OR5B21: variants seen among roughly 807,000 people sequenced by gnomAD.
OR5B21 encodes olfactory receptor family 5 subfamily B member 21, also known as olfactory receptor 5B21.
For synonymous variants in OR5B21, 151 were observed against 143.3 expected (o/e 1.05, Z -0.38); for missense variants, 372 against 375.7 (o/e 0.99, Z 0.08).
In OR5B21 at chr11:58,507,989, C is replaced by T; in HGVS notation, c.117G>A (p.Gly39=). 6.2e-7 allele frequency: 1 copy of T among 1,614,062 alleles called. No homozygotes were observed. The highest frequency in any genetic ancestry group is 8.5e-7 in the Non-Finnish European group (1 of 1,179,994). ...GGATGATCACCATCATTCCCCCATT[C>T]CCAAGCAGGGTGATGAGGTAGATGA... ...FLFIYLITLL[G]NGGMMVIIHS... The change falls in exon 1 of 1, where the codon GGG becomes GGA. Residue 39 remains glycine, a synonymous_variant. Transcript: ENST00000360374.
chr11:58,507,650 G>A lies in OR5B21; in HGVS notation c.456C>T (p.Leu152=), dbSNP rs751128552. The change falls in exon 1 of 1, where the codon CTC becomes CTT. Residue 152 remains leucine, a synonymous_variant. Transcript: ENST00000360374. The stretch of plus-strand genomic sequence containing the variant: ...TGCCTGCTGCATGGATAGAGGCATT[G>A]AGGAAGCCAGAGACATAGGAACCAG... ...LATGSYVSGF[L]NASIHAAGTF... The A allele has an allele frequency of 4.3e-6, 7 of 1,614,174 alleles. No individual in the cohort carries two copies. The South Asian group carries it at 4.4e-5, about 10-fold the overall frequency.
rs535731482 is a variant in OR5B21 at position 58,507,234 on chromosome 11, T to C, written c.872A>G (p.Asn291Ser). The C allele has an allele frequency of 2.8e-5, 45 of 1,613,670 alleles. No homozygotes were observed. The South Asian group carries it at 4.8e-4, about 17-fold the overall frequency. Residue 291 changes from asparagine to serine, a missense_variant, in exon 1 of 1, where the codon AAC becomes AGC. By Grantham distance (46) the Asn-to-Ser change is conservative. Transcript: ENST00000360374. ...MLNPLIYSLRNKEVKSALWKI... is the reference protein window; with the variant it reads ...MLNPLIYSLRSKEVKSALWKI... ...CCAGAGAGCACTTTTCACTTCTTTG[T>C]TCCTAAGGCTGTATATCAAGGGATT...
In OR5B21 at chr11:58,507,958, C is replaced by T; in HGVS notation, c.148G>A (p.Asp50Asn). The T allele has an allele frequency of 6.2e-7, 1 of 1,614,036 alleles. No individual in the cohort carries two copies. The highest frequency in any genetic ancestry group is 8.5e-7 in the Non-Finnish European group (1 of 1,179,984). Residue 50 changes from aspartate to asparagine, a missense_variant, in exon 1 of 1, where the codon GAC becomes AAC. Physicochemically the swap from Asp to Asn is conservative, Grantham distance 23. Transcript: ENST00000360374. ...TACATTGGAGTGTGGAGATGGGAGT[C>T]TGAGTGGATGATCACCATCATTCCC... Reference protein sequence around the residue: ...NGGMMVIIHSDSHLHTPMYFF... With the variant: ...NGGMMVIIHSNSHLHTPMYFF...
Position 58,508,004 on chromosome 11 carries a change from G to A in OR5B21, c.102C>T (p.Leu34=), listed in dbSNP as rs746463933. The A allele has an allele frequency of 3.1e-6, 5 of 1,613,968 alleles. No individual in the cohort carries two copies. The African/African-American group carries it at 6.7e-5, about 22-fold the overall frequency. ...PLLLAFLFIY[L]ITLLGNGGMM... is the part of the protein sequence containing the mutation. ...TTCCCCCATTCCCAAGCAGGGTGATGAGGTAGATGAATAAAAATGCCAGGA... is the reference window on the plus strand; with the variant it reads ...TTCCCCCATTCCCAAGCAGGGTGATAAGGTAGATGAATAAAAATGCCAGGA... The change falls in exon 1 of 1, where the codon CTC becomes CTT. Residue 34 remains leucine, a synonymous_variant. Transcript: ENST00000360374.
Position 58,507,445 on chromosome 11 carries a change from T to C in OR5B21, c.661A>G (p.Thr221Ala), listed in dbSNP as rs745421742. The change falls in exon 1 of 1, where the codon ACC becomes GCC. Residue 221 changes from threonine to alanine, a missense_variant. By Grantham distance (58) the Thr-to-Ala change is moderately conservative. Transcript: ENST00000360374. ...TCAGCAGAATGCATCCTCTGAATGG[T>C]GATGCATATGAAGAAGTAAGAAATA... is the stretch of plus-strand genomic sequence containing the variant. ...ILISYFFICITIQRMHSAEGQ... is the reference protein window; with the variant it reads ...ILISYFFICIAIQRMHSAEGQ... 1 of 1,613,848 alleles carries C rather than the reference T, an allele frequency of 6.2e-7. No homozygotes were observed. The highest frequency in any genetic ancestry group is 8.5e-7 in the Non-Finnish European group (1 of 1,179,856).
rs777767732 is a variant in OR5B21 at position 58,507,870 on chromosome 11, G to A, written c.236C>T (p.Thr79Met). Reference protein sequence around the residue: ...LGYSSAVAPKTVAALRSGDKA... With the variant: ...LGYSSAVAPKMVAALRSGDKA... ...GTCCCCTGACCGCAATGCAGCCACC[G>A]TTTTGGGGGCTACAGCTGATGAGTA... The change falls in exon 1 of 1, where the codon ACG becomes ATG. Residue 79 changes from threonine to methionine, a missense_variant. Thr to Met is a moderately conservative substitution (Grantham distance 81). Transcript: ENST00000360374. The A allele has an allele frequency of 4.0e-5, 64 of 1,614,040 alleles. No individual in the cohort carries two copies. Among genetic ancestry groups the A allele is most frequent in the African/African-American group, 5.3e-5 (4 of 74,938 alleles).
chr11:58,507,467 A>T lies in OR5B21; in HGVS notation c.639T>A (p.Ile213=). 6.2e-7 allele frequency: 1 copy of T among 1,614,124 alleles called. No homozygotes were observed. Among genetic ancestry groups the T allele is most frequent in the East Asian group, 2.2e-5 (1 of 44,868 alleles). ...NVFFTLLVIL[I]SYFFICITIQ... is the part of the protein sequence containing the mutation. The stretch of plus-strand genomic sequence containing the variant: ...TGGTGATGCATATGAAGAAGTAAGA[A>T]ATAAGGATGACCAGGAGGGTGAAAA... Residue 213 remains isoleucine, a synonymous_variant, in exon 1 of 1, where the codon ATT becomes ATA. Transcript: ENST00000360374.
Position 58,507,663 on chromosome 11 carries a change from A to T in OR5B21, c.443T>A (p.Val148Asp). 2 of 1,614,180 alleles carry T rather than the reference A, an allele frequency of 1.2e-6. No individual in the cohort carries two copies. Among genetic ancestry groups the T allele is most frequent in the Non-Finnish European group, 1.7e-6 (2 of 1,180,026 alleles). ...VCALLATGSY[V>D]SGFLNASIHA... ...GATAGAGGCATTGAGGAAGCCAGAG[A>T]CATAGGAACCAGTAGCAAGGAGGGC... Residue 148 changes from valine (V) to aspartate (D), a missense_variant, in exon 1 of 1, where the codon GTC (valine) becomes GAC (aspartate). By Grantham distance (152) the Val-to-Asp change is radical (BLOSUM62 -3). Coordinates refer to ENST00000360374, the MANE Select transcript of OR5B21 (RefSeq NM_001005218.3).
In OR5B21 at chr11:58,507,249, A is replaced by G. The variant is rs1348239666; in HGVS notation, c.857T>C (p.Ile286Thr). 1.9e-6 allele frequency: 3 copies of G among 1,614,006 alleles called. No homozygotes were observed. The highest frequency in any genetic ancestry group is 1.1e-5 in the South Asian group (1 of 91,062). ...TVVIPMLNPLIYSLRNKEVKS... is the reference protein window; with the variant it reads ...TVVIPMLNPLTYSLRNKEVKS... ...CACTTCTTTGTTCCTAAGGCTGTATATCAAGGGATTCAGCATGGGAATCAC... is the reference window on the plus strand; with the variant it reads ...CACTTCTTTGTTCCTAAGGCTGTATGTCAAGGGATTCAGCATGGGAATCAC... Residue 286 changes from isoleucine to threonine, a missense_variant, in exon 1 of 1, where the codon ATA becomes ACA. By Grantham distance (89) the Ile-to-Thr change is moderately conservative. Coordinates refer to ENST00000360374, the MANE Select transcript of OR5B21 (RefSeq NM_001005218.3).
In OR5B21 at chr11:58,507,842, C is replaced by T; in HGVS notation, c.264G>A (p.Lys88=). The T allele has an allele frequency of 6.2e-7, 1 of 1,614,088 alleles. No homozygotes were observed. The highest frequency in any genetic ancestry group is 8.5e-7 in the Non-Finnish European group (1 of 1,180,016). The stretch of plus-strand genomic sequence containing the variant: ...CTGCACATCCATCGTAGGAGATGGC[C>T]TTGTCCCCTGACCGCAATGCAGCCA... ...KTVAALRSGD[K]AISYDGCAAQ... The change falls in exon 1 of 1, where the codon AAG becomes AAA. Residue 88 remains lysine (K), a synonymous_variant. Coordinates refer to ENST00000360374, the MANE Select transcript of OR5B21 (RefSeq NM_001005218.3).
chr11:58,507,813 TG>T lies in OR5B21; in HGVS notation c.292del (p.Gln98SerfsTer37). On this transcript the variant is annotated frameshift_variant, in exon 1 of 1. Transcript: ENST00000360374. LOFTEE classifies it low-confidence loss of function (END_TRUNC). Reference sequence around the variant, plus strand: ...GGCAAACCCCACAAAGAAGAAGAACTGAGCTGCACATCCATCGTAGGAGATG... The same window carrying T: ...GGCAAACCCCACAAAGAAGAAGAACTAGCTGCACATCCATCGTAGGAGATG... ...KAISYDGCAA[Q>X]FFFFVGFATV... 1 of 1,614,020 alleles carries T rather than the reference TG, an allele frequency of 6.2e-7. No homozygotes were observed. Among genetic ancestry groups the T allele is most frequent in the Non-Finnish European group, 8.5e-7 (1 of 1,179,980 alleles).
At position 58,507,324 on chromosome 11, in the gene OR5B21, G is replaced by A. The variant is rs748770679; in HGVS notation, c.782C>T (p.Ser261Phe). 8 of 1,614,138 alleles carry A rather than the reference G, an allele frequency of 5.0e-6. No homozygotes were observed. Among genetic ancestry groups the A allele is most frequent in the Middle Eastern group, 1.6e-4 (1 of 6,062 alleles). Residue 261 changes from serine (S) to phenylalanine (F), a missense_variant, in exon 1 of 1, where the codon TCC becomes TTC. Transcript: ENST00000360374. ...TIIFMYLQPN[S>F]SQSVDTDKIA... ...TTTGTCTGTGTCCACGGACTGGCTG[G>A]AGTTGGGCTGTAAGTACATGAAGAT... is the stretch of plus-strand genomic sequence containing the variant.
Position 58,507,916 on chromosome 11 carries a change from G to T in OR5B21, c.190C>A (p.Leu64Ile), listed in dbSNP as rs973073253. 6.2e-7 allele frequency: 1 copy of T among 1,614,020 alleles called. No individual in the cohort carries two copies. The highest frequency in any genetic ancestry group is 1.7e-5 in the Admixed American group (1 of 59,984). ...GAGTAACCCAAGTCTACAAGGGAGA[G>T]GTTACTGAGGAAAAAGTACATTGGA... ...HTPMYFFLSN[L>I]SLVDLGYSSA... is the part of the protein sequence containing the mutation. The change falls in exon 1 of 1, where the codon CTC becomes ATC. Residue 64 changes from leucine to isoleucine, a missense_variant. Leu to Ile is a conservative substitution (Grantham distance 5). Transcript: ENST00000360374.
In OR5B21 at chr11:58,506,974, C is replaced by T. The variant is rs1020022872; in HGVS notation, c.*202G>A. Among the ~76,000 whole-genome samples the T allele has an allele frequency of 3.3e-5, 5 of 152,084 alleles. No homozygotes were observed. The highest frequency in any genetic ancestry group is 1.2e-4 in the African/African-American group (5 of 41,402). On this transcript the variant is annotated 3_prime_UTR_variant, in exon 1 of 1. Coordinates refer to ENST00000360374, the MANE Select transcript of OR5B21 (RefSeq NM_001005218.3). ...CTAAAGCAAGAAAAGCTTAACTGTC[C>T]CATGTTGTTGTTCACTAAATATAAG...
Position 58,507,778 on chromosome 11 carries a change from A to G in OR5B21, c.328T>C (p.Cys110Arg). Residue 110 changes from cysteine to arginine, a missense_variant, in exon 1 of 1, where the codon TGC (cysteine) becomes CGC (arginine). Physicochemically the swap from Cys to Arg is radical, Grantham distance 180. Coordinates refer to ENST00000360374, the MANE Select transcript of OR5B21 (RefSeq NM_001005218.3). ...TAGGCCATGGAGGCCAGGAGGTAGC[A>G]CTCAACAGTGGCAAACCCCACAAAG... ...FFFVGFATVECYLLASMAYDR... is the reference protein window; with the variant it reads ...FFFVGFATVERYLLASMAYDR... 2 of 1,614,130 alleles carry G rather than the reference A, an allele frequency of 1.2e-6. No individual in the cohort carries two copies. The highest frequency in any genetic ancestry group is 2.2e-5 in the East Asian group (1 of 44,872).
At position 58,507,659 on chromosome 11, in the gene OR5B21, A is replaced by G; in HGVS notation, c.447T>C (p.Ser149=). The change falls in exon 1 of 1, where the codon TCT becomes TCC. Residue 149 remains serine (S), a synonymous_variant. Coordinates refer to ENST00000360374, the MANE Select transcript of OR5B21 (RefSeq NM_001005218.3). ...CATGGATAGAGGCATTGAGGAAGCC[A>G]GAGACATAGGAACCAGTAGCAAGGA... ...CALLATGSYV[S]GFLNASIHAA... is the part of the protein sequence containing the mutation. The G allele has an allele frequency of 6.2e-7, 1 of 1,614,090 alleles. No individual in the cohort carries two copies. Among genetic ancestry groups the G allele is most frequent in the East Asian group, 2.2e-5 (1 of 44,896 alleles).
chr11:58,507,833 G>A lies in OR5B21; in HGVS notation c.273C>T (p.Ser91=), dbSNP rs762287610. The A allele has an allele frequency of 1.9e-6, 3 of 1,614,000 alleles. No homozygotes were observed. The highest frequency in any genetic ancestry group is 2.2e-5 in the East Asian group (1 of 44,886). The change falls in exon 1 of 1, where the codon TCC becomes TCT. Residue 91 remains serine (S), a synonymous_variant. Transcript: ENST00000360374. ...AALRSGDKAI[S]YDGCAAQFFF... ...AGAACTGAGCTGCACATCCATCGTA[G>A]GAGATGGCCTTGTCCCCTGACCGCA... is the stretch of plus-strand genomic sequence containing the variant.
At position 58,507,784 on chromosome 11, in the gene OR5B21, C is replaced by T. The variant is rs1368074720; in HGVS notation, c.322G>A (p.Val108Ile). The T allele has an allele frequency of 6.2e-7, 1 of 1,614,126 alleles. No individual in the cohort carries two copies. The highest frequency in any genetic ancestry group is 2.2e-5 in the East Asian group (1 of 44,866). ...QFFFFVGFAT[V>I]ECYLLASMAY... ...ATGGAGGCCAGGAGGTAGCACTCAA[C>T]AGTGGCAAACCCCACAAAGAAGAAG... The change falls in exon 1 of 1, where the codon GTT becomes ATT. Residue 108 changes from valine to isoleucine, a missense_variant. Transcript: ENST00000360374.
rs139608175 is a variant in OR5B21, at chr11:58,507,328, T to C, written c.778A>G (p.Asn260Asp). Residue 260 changes from asparagine (N) to aspartate (D), a missense_variant, in exon 1 of 1, where the codon AAC becomes GAC. Asn to Asp is a conservative substitution (Grantham distance 23). Coordinates refer to ENST00000360374, the MANE Select transcript of OR5B21 (RefSeq NM_001005218.3). ...GTIIFMYLQP[N>D]SSQSVDTDKI... ...TCTGTGTCCACGGACTGGCTGGAGTTGGGCTGTAAGTACATGAAGATGATT... is the reference window on the plus strand; with the variant it reads ...TCTGTGTCCACGGACTGGCTGGAGTCGGGCTGTAAGTACATGAAGATGATT... 26 of 1,614,034 alleles carry C rather than the reference T, an allele frequency of 1.6e-5. No homozygotes were observed. The African/African-American group carries it at 2.5e-4, about 16-fold the overall frequency.
Sources: allele counts gnomAD v4.1 joint callset (sites outside exome capture counted in the v4.1 genomes callset), GRCh38; gene constraint gnomAD v4.1.1; transcripts MANE v1.5; gene names NCBI Gene and HGNC (gene_info 2026-07-23, HGNC 2026-07-21).